The following FLVCR1 variants were observed in gnomAD, a reference collection of about 807,000 sequenced individuals.
FLVCR1 encodes the protein FLVCR choline and heme transporter 1, also known as choline/ethanolamine transporter FLVCR1.
In FLVCR1, 34 loss-of-function variants were observed where a neutral mutation model predicts 53.6. That is an observed-to-expected ratio of 0.63 (90% CI 0.48 to 0.84). The LOEUF (loss-of-function observed/expected upper bound fraction) is 0.84. FLVCR1 is among the 40% of genes least tolerant of loss of function. The pLI, the probability that FLVCR1 is intolerant of heterozygous loss-of-function variation, is 0.00. For missense variants in FLVCR1, 677 were observed against 696.7 expected, an observed-to-expected ratio of 0.97 and a Z score of 0.32; for synonymous variants, 300 against 286.3, an observed-to-expected ratio of 1.05 and a Z score of -0.48.
At chr1:212,876,231 A>G (rs1396142006) in intron 3 of FLVCR1, among the ~76,000 whole-genome samples, 3 of 151,934 alleles carry the variant, frequency 2.0e-5, no homozygotes, top group Admixed American at 6.6e-5. Context: ...CTCGTGCACC[A>G]TGTGTCCATG....
chr1:212,877,131 C>CTTT (rs55822947), intron 3 of FLVCR1, among the ~76,000 whole-genome samples: 4 of 94,600 alleles, frequency 4.2e-5, no homozygotes, highest in African/African-American at 1.3e-4. Context: ...ACATAAATGT[C>CTTT]TTTTTTTTTT....
rs1405121502 is a variant in FLVCR1 at position 212,896,968 on chromosome 1, G to A, written c.*1678G>A. The A allele has an allele frequency of 6.7e-6, 1 of 149,560 alleles. No homozygotes were observed. Among genetic ancestry groups the A allele is most frequent in the South Asian group, 2.1e-4 (1 of 4,708 alleles). 9.3% of individuals were successfully genotyped at this position (149,560 alleles called of 1,614,324 possible). On this transcript the variant is annotated 3_prime_UTR_variant, in exon 10 of 10. Coordinates refer to ENST00000366971, the MANE Select transcript of FLVCR1 (RefSeq NM_014053.4). The stretch of plus-strand genomic sequence containing the variant: ...AGGCAGGTGGATCACAAAGTCAGGA[G>A]TTCAAAACCAGCCTGGCCAAGATGG...
Position 212,889,223 on chromosome 1 carries a change from C to T in FLVCR1, c.1491C>T (p.Leu497=), listed in dbSNP as rs748147552. Residue 497 remains leucine, a synonymous_variant, in exon 8 of 10, where the codon CTC becomes CTT. Coordinates refer to ENST00000366971, the MANE Select transcript of FLVCR1 (RefSeq NM_014053.4). ...DYGPKAGNIF[L]CVWMFIGIIL... ...GTCCTAAGGCAGGGAACATTTTTCT[C>T]TGTGTCTGGATGTTTATAGGCATCA... The T allele has an allele frequency of 6.2e-7, 1 of 1,613,660 alleles. No individual in the cohort carries two copies.
intron 2 of FLVCR1, among the ~76,000 whole-genome samples, chr1:212,867,000 A>G (rs1664454867): frequency 6.6e-6 from 1 of 152,232 alleles, no homozygotes. Context: ...ATCCATACCA[A>G]ATAAAGTTCC....
At chr1:212,893,732 G>T (rs550977332) in intron 8 of FLVCR1, among the ~76,000 whole-genome samples, 2 of 152,168 alleles carry the variant, frequency 1.3e-5, no homozygotes, top group East Asian at 1.9e-4. Flanking sequence ...CTTGCAGAAG[G>T]CTTGGATAAT....
chr1:212,885,614 A>T, intron 5 of FLVCR1: 2 of 425,262 alleles, frequency 4.7e-6, no homozygotes, highest in Non-Finnish European at 8.2e-6. Flanking sequence ...GCAGTGGCGC[A>T]ATCTCGGCTC....
chr1:212,860,421 C>T (rs531158019), intron 1 of FLVCR1, among the ~76,000 whole-genome samples: 1 of 133,068 alleles, frequency 7.5e-6, no homozygotes, highest in East Asian at 2.6e-4. Flanking sequence ...CTGCTGAGCT[C>T]AAGCTCTCTG....
chr1:212,891,436 C>G (rs1414947619), intron 8 of FLVCR1, among the ~76,000 whole-genome samples: 1 of 102,274 alleles, frequency 9.8e-6, no homozygotes, highest in African/African-American at 2.8e-5. Flanking sequence ...CAAAGTGAGA[C>G]TCCGTCTCAA....
At chr1:212,890,145 A>G (rs2102571368) in intron 8 of FLVCR1, among the ~76,000 whole-genome samples, 1 of 152,352 alleles carries the variant, frequency 6.6e-6, no homozygotes, top group African/African-American at 2.4e-5. Context: ...TCTCCAGAGA[A>G]AGAGAATGTC....
chr1:212,884,640 T>C (rs1665012055), intron 4 of FLVCR1, among the ~76,000 whole-genome samples: 1 of 152,226 alleles, frequency 6.6e-6, no homozygotes, highest in Non-Finnish European at 1.5e-5. Flanking sequence ...AACCTCCTTT[T>C]CAGATATCTA....
chr1:212,871,540 G>A (rs41296726), intron 2 of FLVCR1, among the ~76,000 whole-genome samples: 33,915 of 151,888 alleles, frequency 0.22, 4,413 homozygotes, highest in East Asian at 0.44. Flanking sequence ...CTTCAGCCTC[G>A]CAAGTAGCTA....
At chr1:212,877,050 CT>C (rs1664771151) in intron 3 of FLVCR1, among the ~76,000 whole-genome samples, 1 of 151,094 alleles carries the variant, frequency 6.6e-6, no homozygotes, top group South Asian at 2.1e-4. Context: ...GAAATGGTAT[CT>C]CATTGTGGTT....
At chr1:212,883,508 G>A in intron 4 of FLVCR1, 70 bp downstream of exon 4, 1 of 805,580 alleles carries the variant, frequency 1.2e-6, no homozygotes, top group Non-Finnish European at 2.2e-6. Context: ...ATTGTCGTTA[G>A]CAGGGTCATG....
At chr1:212,878,224 C>A (rs1216140911) in intron 3 of FLVCR1, among the ~76,000 whole-genome samples, 1 of 152,048 alleles carries the variant, frequency 6.6e-6, no homozygotes, top group Admixed American at 6.6e-5. Flanking sequence ...CAAGAGAGAC[C>A]AGGCGCGGTG....
intron 8 of FLVCR1, among the ~76,000 whole-genome samples, chr1:212,890,825 C>T (rs1665172978): frequency 6.6e-6 from 1 of 152,204 alleles, no homozygotes; most frequent in South Asian, 2.1e-4. Flanking sequence ...TATGAAATCT[C>T]ACCAGTGATA....
At chr1:212,868,911 C>G (rs933662785) in intron 2 of FLVCR1, among the ~76,000 whole-genome samples, 2 of 152,000 alleles carry the variant, frequency 1.3e-5, no homozygotes, top group African/African-American at 4.8e-5. Context: ...TACATTTTAT[C>G]GATGAGAAAG....
chr1:212,863,804 A>G lies in FLVCR1; in HGVS notation c.818A>G (p.Asn273Ser). ...TQNDTNLLAC[N>S]ISTMFYGTSA... The stretch of plus-strand genomic sequence containing the variant: ...AATGACACAAATCTCCTGGCTTGTA[A>G]TATCAGCACCATGTTTTATGGAACA... Residue 273 changes from asparagine to serine, a missense_variant, in exon 2 of 10, where the codon AAT becomes AGT. Transcript: ENST00000366971. 1.2e-6 allele frequency: 2 copies of G among 1,613,892 alleles called. No homozygotes were observed. The highest frequency in any genetic ancestry group is 1.7e-6 in the Non-Finnish European group (2 of 1,179,784).
At chr1:212,870,035 A>T (rs1664552216) in intron 2 of FLVCR1, 1 of 152,212 alleles carries the variant, frequency 6.6e-6, no homozygotes, top group South Asian at 2.1e-4. Flanking sequence ...GTAAGAAGAG[A>T]TATTTCCTAT....
intron 6 of FLVCR1, among the ~76,000 whole-genome samples, chr1:212,888,282 C>T (rs1278626814): frequency 1.2e-4 from 19 of 152,092 alleles, no homozygotes; most frequent in Admixed American, 9.8e-4. Context: ...GTAAATTTTT[C>T]TCAGAAAAAA....
Sources: allele counts gnomAD v4.1 joint callset (sites outside exome capture counted in the v4.1 genomes callset), GRCh38; gene constraint gnomAD v4.1.1; transcripts MANE v1.5; gene names NCBI Gene and HGNC (gene_info 2026-07-23, HGNC 2026-07-21).